Variants in NLRP5 observed in about 807,000 individuals in gnomAD.
The protein encoded by NLRP5 is NACHT, LRR and PYD domains-containing protein 5.
A neutral mutation model predicts 113.1 loss-of-function variants in NLRP5; 93 were observed. That is an observed-to-expected ratio of 0.82 (90% CI 0.70 to 0.98). The LOEUF is 0.98. NLRP5 is among the 50% of genes least tolerant of loss of function. The probability of loss-of-function intolerance (pLI) is 0.00; values close to 1 mark genes in which losing one functional copy is unlikely to be tolerated. For missense variants in NLRP5, 1,808 were observed against 1,514.3 expected (o/e 1.19, Z -3.22); for synonymous variants, 751 against 600.7 (o/e 1.25, Z -3.66).
chr19:56,015,556 G>A (rs1348110295), intron 3 of NLRP5, among the ~76,000 whole-genome samples, 186 bp from the exon 4 acceptor site: 1 of 152,162 alleles, frequency 6.6e-6, no homozygotes, highest in Non-Finnish European at 1.5e-5. Context: ...TGAATCGTCG[G>A]ATCTTGAATC....
chr19:55,998,686 A>G (rs374621085), upstream of NLRP5, among the ~76,000 whole-genome samples: 777 of 46,786 alleles, frequency 0.017, 19 homozygotes, highest in African/African-American at 0.033. Flanking sequence ...ATATATATAT[A>G]TATATATATA....
chr19:56,003,255 G>A (rs1477578026), intron 1 of NLRP5, among the ~76,000 whole-genome samples: 7 of 152,162 alleles, frequency 4.6e-5, no homozygotes, highest in Non-Finnish European at 7.3e-5. Flanking sequence ...AGATTCAAGC[G>A]ATTCTCCTGC....
chr19:56,018,094 C>T (rs1006044552), intron 4 of NLRP5, among the ~76,000 whole-genome samples: 7 of 152,202 alleles, frequency 4.6e-5, no homozygotes, highest in African/African-American at 1.4e-4. Flanking sequence ...TTATTGAAGG[C>T]ATTTCATTTG....
chr19:56,019,163 AG>A, intron 4 of NLRP5, 178 bp from the exon 5 acceptor site: 5 of 664,232 alleles, frequency 7.5e-6, no homozygotes, highest in Non-Finnish European at 1.3e-5. Flanking sequence ...CTCACCCTCA[AG>A]CTTTGAATTA....
chr19:56,016,479 T>G (rs1183611265), intron 4 of NLRP5, among the ~76,000 whole-genome samples: 1 of 152,174 alleles, frequency 6.6e-6, no homozygotes, highest in Non-Finnish European at 1.5e-5. Flanking sequence ...AAATCCTCTT[T>G]TAGCTATTTT....
At chr19:56,052,604 G>C (rs1983973138) in intron 12 of NLRP5, among the ~76,000 whole-genome samples, 1 of 152,044 alleles carries the variant, frequency 6.6e-6, no homozygotes, top group African/African-American at 2.4e-5. Flanking sequence ...GATGGCTCCT[G>C]AGGATGGACC....
chr19:56,006,302 C>T (rs1445478375), intron 2 of NLRP5, among the ~76,000 whole-genome samples: 2 of 152,210 alleles, frequency 1.3e-5, no homozygotes, highest in Non-Finnish European at 1.5e-5. Context: ...GGAGTGATAG[C>T]ATTAGGAGAT....
At position 56,019,542 on chromosome 19, in the gene NLRP5, C is replaced by G. The variant is rs1982535607; in HGVS notation, c.622+144C>G. 3 of 866,812 alleles carry G rather than the reference C, an allele frequency of 3.5e-6. No individual in the cohort carries two copies. In the African/African-American group the frequency reaches 5.1e-5, roughly 15 times the overall value. 53.7% of individuals were successfully genotyped at this position (866,812 alleles called of 1,614,324 possible). On this transcript the variant is annotated intron_variant, in intron 5 of 14. Coordinates refer to ENST00000390649, the MANE Select transcript of NLRP5 (RefSeq NM_153447.4). ...GTCTCTGGTGTCAACCCCTTCCCTTCAAGCTCTTGATCAGTACCATGGATA... is the reference window on the plus strand; with the variant it reads ...GTCTCTGGTGTCAACCCCTTCCCTTGAAGCTCTTGATCAGTACCATGGATA...
chr19:56,047,736 T>G (rs1015559699), intron 11 of NLRP5, among the ~76,000 whole-genome samples: 4 of 152,222 alleles, frequency 2.6e-5, no homozygotes, highest in Admixed American at 1.3e-4. Flanking sequence ...AGATCTGCTA[T>G]GTCCATTTGT....
chr19:56,010,507 G>A (rs144400454), intron 3 of NLRP5, among the ~76,000 whole-genome samples: 5,792 of 151,960 alleles, frequency 0.038, 354 homozygotes, highest in African/African-American at 0.13. Context: ...CACTTTGGGA[G>A]GCCGAGGTGG....
At chr19:56,005,313 A>G (rs1173737363) in intron 2 of NLRP5, among the ~76,000 whole-genome samples, 1 of 146,718 alleles carries the variant, frequency 6.8e-6, no homozygotes, top group African/African-American at 2.5e-5. Context: ...ATATATTTAT[A>G]TATACACACA....
chr19:56,013,951 T>A (rs1453665986), intron 3 of NLRP5, among the ~76,000 whole-genome samples: 1 of 152,182 alleles, frequency 6.6e-6, no homozygotes, highest in South Asian at 2.1e-4. Context: ...TCTGTGTCTT[T>A]AGAGAAATGT....
rs1982969157 is a variant in NLRP5, at chr19:56,028,473, A to T, written c.2240A>T (p.Asp747Val). Residue 747 changes from aspartate (D) to valine (V), a missense_variant, in exon 7 of 15, where the codon GAT (aspartate) becomes GTT (valine). Physicochemically the swap from Asp to Val is radical, Grantham distance 152. Coordinates refer to ENST00000390649, the MANE Select transcript of NLRP5 (RefSeq NM_153447.4). ...GATGTCAAAGGGATCTTCCCAAGAG[A>T]TGAGTCCGCTGAGGCATGTCCTGTG... 9.9e-6 allele frequency: 16 copies of T among 1,613,776 alleles called. No individual in the cohort carries two copies. The highest frequency in any genetic ancestry group is 1.4e-5 in the Non-Finnish European group (16 of 1,179,874).
At chr19:56,001,217 A>G (rs1339714423) in intron 1 of NLRP5, among the ~76,000 whole-genome samples, 1 of 147,594 alleles carries the variant, frequency 6.8e-6, no homozygotes, top group Non-Finnish European at 1.5e-5. Flanking sequence ...CGCAGCTACT[A>G]GGAAGGCTGA....
At chr19:56,031,916 G>C (rs553352992) in intron 7 of NLRP5, among the ~76,000 whole-genome samples, 3 of 152,152 alleles carry the variant, frequency 2.0e-5, no homozygotes, top group Non-Finnish European at 4.4e-5. Context: ...CAGTTCTTCC[G>C]GGTATACACC....
chr19:56,002,586 G>A (rs933251221), intron 1 of NLRP5, among the ~76,000 whole-genome samples: 4 of 150,780 alleles, frequency 2.7e-5, no homozygotes, highest in Non-Finnish European at 5.9e-5. Flanking sequence ...TTTAGCATTA[G>A]GTATATCTCC....
chr19:56,052,606 G>A (rs999554133), intron 12 of NLRP5, among the ~76,000 whole-genome samples: 4 of 152,032 alleles, frequency 2.6e-5, no homozygotes, highest in African/African-American at 9.7e-5. Flanking sequence ...TGGCTCCTGA[G>A]GATGGACCAT....
chr19:56,006,839 A>C (rs1477774176), intron 2 of NLRP5, among the ~76,000 whole-genome samples: 1 of 151,730 alleles, frequency 6.6e-6, no homozygotes, highest in Non-Finnish European at 1.5e-5. Context: ...TTCCGGGTTC[A>C]TGCCATTCTC....
At chr19:56,034,552 C>T (rs55837102) in intron 9 of NLRP5, among the ~76,000 whole-genome samples, 7,446 of 152,290 alleles carry the variant, frequency 0.049, 235 homozygotes, top group Middle Eastern at 0.11. Context: ...CCAAGATGCT[C>T]TGGGGTCACA....
Sources: allele counts gnomAD v4.1 joint callset (sites outside exome capture counted in the v4.1 genomes callset), GRCh38; gene constraint gnomAD v4.1.1; transcripts MANE v1.5; gene names NCBI Gene and HGNC (gene_info 2026-07-23, HGNC 2026-07-21).